Variants in UGT1A10 observed in about 807,000 individuals in gnomAD.
UGT1A10 encodes the protein UDP glucuronosyltransferase family 1 member A10, also known as UDP-glucuronosyltransferase 1A10.
UGT1A10 carries 49 observed loss-of-function variants against 45.8 expected under a neutral mutation model. The ratio of observed to expected loss-of-function variants is 1.07; its 90% confidence interval spans 0.85 to 1.36. The LOEUF is 1.36. Ranked by LOEUF, UGT1A10 falls within the 40% of genes most tolerant of loss-of-function variation. UGT1A10 has a pLI of 0.00. For missense variants in UGT1A10, 745 were observed against 668.6 expected (o/e 1.11, Z -1.26); for synonymous variants, 284 against 249.7 (o/e 1.14, Z -1.29).
chr2:233,649,114 T>C, intron 1 of UGT1A10: 1 of 749,996 alleles, frequency 1.3e-6, no homozygotes, highest in Non-Finnish European at 1.9e-6. Flanking sequence ...TTGACATTTG[T>C]GTTTGTTGCA....
rs1322999911 is a variant in UGT1A10, at chr2:233,636,549, C to T, written c.27C>T (p.Pro9=). Residue 9 remains proline (P), a synonymous_variant, in exon 1 of 5, where the codon CCC becomes CCT. Transcript: ENST00000344644. The part of the protein sequence containing the change: MARAGWTS[P]VPLCVCLLLT... ...TGGCTCGCGCAGGGTGGACCAGCCC[C>T]GTTCCTTTATGTGTGTGTCTACTGC... 16 of 1,613,936 alleles carry T rather than the reference C, an allele frequency of 9.9e-6. No individual in the cohort carries two copies. Among genetic ancestry groups the T allele is most frequent in the Middle Eastern group, 1.6e-4 (1 of 6,084 alleles).
intron 1 of UGT1A10, among the ~76,000 whole-genome samples, chr2:233,678,025 G>A (rs4663877): frequency 0.18 from 27,600 of 152,072 alleles, 2,728 homozygotes; most frequent in Non-Finnish European, 0.23. Context: ...TAACAACATG[G>A]ATGCAGCTGG....
At chr2:233,682,494 C>T in intron 1 of UGT1A10, 4 of 1,613,944 alleles carry the variant, frequency 2.5e-6, no homozygotes, top group Non-Finnish European at 3.4e-6. Context: ...TGCCCTGCTC[C>T]TCTTTCCTAT....
intron 1 of UGT1A10, among the ~76,000 whole-genome samples, chr2:233,662,805 A>G (rs1487102844): frequency 2.2e-5 from 3 of 134,096 alleles, no homozygotes; most frequent in African/African-American, 8.7e-5. Flanking sequence ...TTCTTTTCCT[A>G]GTTTGCTGAG....
chr2:233,747,561 T>A (rs1440337169), intron 1 of UGT1A10: 2 of 1,596,952 alleles, frequency 1.3e-6, no homozygotes, highest in Non-Finnish European at 1.7e-6. Context: ...TATGGCAATT[T>A]TGAAAAATTC....
At chr2:233,639,018 C>A (rs548528581) in intron 1 of UGT1A10, among the ~76,000 whole-genome samples, 5 of 152,310 alleles carry the variant, frequency 3.3e-5, no homozygotes, top group African/African-American at 1.2e-4. Context: ...CAGCCTTCGG[C>A]CGAGTTGAGG....
intron 1 of UGT1A10, among the ~76,000 whole-genome samples, chr2:233,706,394 A>G (rs2075906140): frequency 6.6e-6 from 1 of 152,228 alleles, no homozygotes; most frequent in Non-Finnish European, 1.5e-5. Context: ...GGCCAAGTAC[A>G]TTTACCACTC....
intron 1 of UGT1A10, among the ~76,000 whole-genome samples, chr2:233,766,542 G>T (rs186130827): frequency 4.6e-5 from 7 of 152,298 alleles, no homozygotes; most frequent in African/African-American, 1.7e-4. Context: ...AAACAAAAAT[G>T]CCTGTCCTCA....
Position 233,772,929 on chromosome 2 carries a change from C to G in UGT1A10, c.*370C>G, listed in dbSNP as rs1186146273. On this transcript the variant is annotated 3_prime_UTR_variant, in exon 5 of 5. Transcript: ENST00000344644. ...CCCTACTGCAAATGGCAGTTTTAAT[C>G]TTATCTTTTGGCTTCTGCAGATGGT... is the stretch of plus-strand genomic sequence containing the variant. The G allele has an allele frequency of 2.8e-6, 1 of 355,154 alleles. No homozygotes were observed. The highest frequency in any genetic ancestry group is 4.3e-5 in the Admixed American group (1 of 23,230). 22.0% of individuals were successfully genotyped at this position (355,154 alleles called of 1,614,324 possible). A position where few individuals can be genotyped will look rare whatever the true frequency, so the allele number is the denominator to read the frequency against.
chr2:233,654,757 T>A (rs1575403865), intron 1 of UGT1A10, among the ~76,000 whole-genome samples: 1 of 152,160 alleles, frequency 6.6e-6, no homozygotes, highest in East Asian at 1.9e-4. Flanking sequence ...TTGAACAGAC[T>A]GTTTTAGACC....
At position 233,769,556 on chromosome 2, in the gene UGT1A10, A is replaced by G. The variant is rs1699895169; in HGVS notation, c.1295+1117A>G. 6.2e-7 allele frequency: 1 copy of G among 1,612,744 alleles called. No individual in the cohort carries two copies. Among genetic ancestry groups the G allele is most frequent in the African/African-American group, 1.3e-5 (1 of 74,934 alleles). On this transcript the variant is annotated intron_variant, in intron 4 of 4. Transcript: ENST00000344644. The surrounding 1 kb of genome is among the most constrained non-coding windows in gnomAD (Gnocchi z 4.4). ...AAAGAAGCAGCAGTCAGGAAGACAG[A>G]TGTGAAGAGCTGGAGCATGTTCAGA...
rs753857882 is a variant in UGT1A10, at chr2:233,750,179, ATGT to A, written c.856-16851_856-16849del. ...AATGGTTTTGACCAAAATGCTGATA[ATGT>A]TGTGGACAATGAAGTCCAGGCTGAG... On this transcript the variant is annotated intron_variant, in intron 1 of 4. Transcript: ENST00000344644. Among the ~76,000 whole-genome samples, 2 of 151,978 alleles carry A rather than the reference ATGT, an allele frequency of 1.3e-5. 1 individual carries two copies. The highest frequency in any genetic ancestry group is 6.8e-3 in the Middle Eastern group (2 of 294).
Position 233,637,163 on chromosome 2 carries a change from T to C in UGT1A10, c.641T>C (p.Leu214Ser). 1 of 1,613,958 alleles carries C rather than the reference T, an allele frequency of 6.2e-7. No homozygotes were observed. The highest frequency in any genetic ancestry group is 8.5e-7 in the Non-Finnish European group (1 of 1,179,856). Reference sequence around the variant, plus strand: ...AGAGTATGGAACCACATCGTGCACTTGGAGGACCATTTATTTTGCCAGTAT... The same window carrying C: ...AGAGTATGGAACCACATCGTGCACTCGGAGGACCATTTATTTTGCCAGTAT... Reference protein sequence around the residue: ...KERVWNHIVHLEDHLFCQYLF... With the variant: ...KERVWNHIVHSEDHLFCQYLF... Residue 214 changes from leucine to serine, a missense_variant, in exon 1 of 5, where the codon TTG (leucine) becomes TCG (serine). Transcript: ENST00000344644.
chr2:233,644,425 A>G (rs2073545509), intron 1 of UGT1A10, among the ~76,000 whole-genome samples: 1 of 152,080 alleles, frequency 6.6e-6, no homozygotes, highest in Admixed American at 6.5e-5. Context: ...AAAATTAGCC[A>G]GGTGTGGTGG....
intron 1 of UGT1A10, among the ~76,000 whole-genome samples, chr2:233,685,193 C>T (rs1028451320): frequency 3.3e-5 from 5 of 151,888 alleles, no homozygotes; most frequent in African/African-American, 1.2e-4. Flanking sequence ...AACATTAAAA[C>T]GGTTTTGTTT....
chr2:233,691,972 G>T lies in UGT1A10; in HGVS notation c.855+54595G>T, dbSNP rs1349071943. 5 of 152,224 alleles carry T rather than the reference G, an allele frequency of 3.3e-5. No homozygotes were observed. The East Asian group carries it at 9.6e-4, about 29-fold the overall frequency. 9.4% of individuals were successfully genotyped at this position (152,224 alleles called of 1,614,324 possible). A position where few individuals can be genotyped will look rare whatever the true frequency, so the allele number is the denominator to read the frequency against. On this transcript the variant is annotated intron_variant, in intron 1 of 4. Coordinates refer to ENST00000344644, the MANE Select transcript of UGT1A10 (RefSeq NM_019075.4). ...TTGTTATTCAAAACAGATCCCTTTC[G>T]ATCACACCTAAGTTTATGTAAAGGA...
chr2:233,755,235 C>T lies in UGT1A10; in HGVS notation c.856-11799C>T, dbSNP rs1346915931. ...CTTGATACCCTCGGACGAGGCCTACCGGGGTACTCCCAGCACCTCGTAGTA... is the reference window on the plus strand; with the variant it reads ...CTTGATACCCTCGGACGAGGCCTACTGGGGTACTCCCAGCACCTCGTAGTA... On this transcript the variant is annotated intron_variant, in intron 1 of 4. Transcript: ENST00000344644. The T allele has an allele frequency of 1.2e-5, 11 of 904,686 alleles. No homozygotes were observed. The East Asian group carries it at 3.5e-4, about 29-fold the overall frequency. 56.0% of individuals were successfully genotyped at this position (904,686 alleles called of 1,614,324 possible).
At chr2:233,686,748 C>A (rs2074802861) in intron 1 of UGT1A10, among the ~76,000 whole-genome samples, 1 of 152,194 alleles carries the variant, frequency 6.6e-6, no homozygotes, top group Admixed American at 6.5e-5. Flanking sequence ...CTTCCCTAGC[C>A]TCACTGGCTT....
chr2:233,666,825 G>A (rs2074087427), intron 1 of UGT1A10, among the ~76,000 whole-genome samples: 1 of 130,532 alleles, frequency 7.7e-6, no homozygotes, highest in Non-Finnish European at 1.6e-5. Context: ...ACAGGCCCTG[G>A]TGTGTGATGT....
Sources: allele counts gnomAD v4.1 joint callset (sites outside exome capture counted in the v4.1 genomes callset), GRCh38; gene constraint gnomAD v4.1.1; non-coding constraint Gnocchi (gnomAD v3.1); transcripts MANE v1.5; gene names NCBI Gene and HGNC (gene_info 2026-07-23, HGNC 2026-07-21).